RGS22: variants seen among roughly 807,000 people sequenced by gnomAD.
RGS22 encodes the protein regulator of G protein signaling 22.
A neutral mutation model predicts 172.9 loss-of-function variants in RGS22; 148 were observed. That is an observed-to-expected ratio of 0.86 (90% CI 0.75 to 0.98). The LOEUF is 0.98. Among genes scored for constraint, RGS22 ranks in the 50% least tolerant of loss-of-function variants. RGS22 has a pLI of 0.00. For synonymous variants in RGS22, 458 were observed against 480.2 expected, an observed-to-expected ratio of 0.95 and a Z score of 0.60; for missense variants, 1,347 against 1,440.8, an observed-to-expected ratio of 0.93 and a Z score of 1.05.
Position 100,105,978 on chromosome 8 carries a change from G to C in RGS22, c.-57C>G. Reference sequence around the variant, plus strand: ...GCGGGCCGTCAGGGCCCTAGCGCGCGGGTCCAGCGCGGGTCAGGGCCTGAG... The same window carrying C: ...GCGGGCCGTCAGGGCCCTAGCGCGCCGGTCCAGCGCGGGTCAGGGCCTGAG... On this transcript the variant is annotated 5_prime_UTR_variant, in exon 1 of 28. Transcript: ENST00000360863. The C allele has an allele frequency of 7.4e-7, 1 of 1,357,718 alleles. No homozygotes were observed. The highest frequency in any genetic ancestry group is 9.4e-7 in the Non-Finnish European group (1 of 1,060,780). The allele number at this position is 1,357,718 out of a possible 1,614,324, so 84.1% of individuals were successfully genotyped here. A position where few individuals can be genotyped will look rare whatever the true frequency, so the allele number is the denominator to read the frequency against.
At chr8:100,024,831 G>T (rs1473257260) in intron 14 of RGS22, among the ~76,000 whole-genome samples, 2 of 151,932 alleles carry the variant, frequency 1.3e-5, no homozygotes, top group Non-Finnish European at 2.9e-5. Flanking sequence ...GTAAAATAAG[G>T]ATACCAATCT....
intron 3 of RGS22, chr8:100,093,203 CAG>C: frequency 2.8e-6 from 1 of 353,512 alleles, no homozygotes; most frequent in African/African-American, 2.2e-5. Context: ...ACAGCTGAAC[CAG>C]AGTTTGTACA....
chr8:100,087,048 T>C (rs1398737742), intron 3 of RGS22, among the ~76,000 whole-genome samples: 1 of 152,150 alleles, frequency 6.6e-6, no homozygotes, highest in Non-Finnish European at 1.5e-5. Context: ...CAAATTCCTG[T>C]TGTTTGCTTA....
chr8:99,969,151 T>C (rs940592569), intron 23 of RGS22, among the ~76,000 whole-genome samples: 13 of 152,134 alleles, frequency 8.5e-5, no homozygotes, highest in Admixed American at 3.9e-4. Context: ...CTAAGCTTCA[T>C]AAGTGAAGGA....
At chr8:100,093,317 C>A (rs1812727051) in intron 3 of RGS22, 130 bp downstream of exon 3, 6 of 561,646 alleles carry the variant, frequency 1.1e-5, no homozygotes, top group East Asian at 3.1e-5. Context: ...AAGATAAAAC[C>A]TTTACCTAAA....
At chr8:100,018,375 G>A (rs1817236802) in intron 14 of RGS22, among the ~76,000 whole-genome samples, 1 of 152,010 alleles carries the variant, frequency 6.6e-6, no homozygotes, top group Admixed American at 6.6e-5. Context: ...ACAGAAGGAA[G>A]AGCTGAATTG....
chr8:100,000,668 T>C (rs1814942496), intron 18 of RGS22, among the ~76,000 whole-genome samples: 1 of 152,216 alleles, frequency 6.6e-6, no homozygotes, highest in Non-Finnish European at 1.5e-5. Flanking sequence ...TGAGATACCA[T>C]GAAACCTCAC....
intron 11 of RGS22, among the ~76,000 whole-genome samples, chr8:100,042,435 A>T (rs1480878350): frequency 3.3e-5 from 5 of 152,340 alleles, no homozygotes; most frequent in African/African-American, 1.2e-4. Context: ...TATATACTAC[A>T]TACCAAACAC....
At position 100,071,508 on chromosome 8, in the gene RGS22, C is replaced by T. The variant is rs2131844896; in HGVS notation, c.455G>A (p.Trp152Ter). 6.2e-7 allele frequency: 1 copy of T among 1,610,812 alleles called. No homozygotes were observed. Among genetic ancestry groups the T allele is most frequent in the Non-Finnish European group, 8.5e-7 (1 of 1,178,570 alleles). ...TGTGAAATTCATGCCGGACTTGCTCCATCTTACTTGTGAGACCAATTTGGC... is the reference window on the plus strand; with the variant it reads ...TGTGAAATTCATGCCGGACTTGCTCTATCTTACTTGTGAGACCAATTTGGC... The part of the protein sequence containing the change: ...RLAKLVSQVR[W>*]SKSGMNFTVG... The change falls in exon 6 of 28, where the codon TGG becomes TAG. Residue 152 changes from tryptophan (W) to a stop codon, truncating the protein, a stop_gained. Transcript: ENST00000360863. LOFTEE classifies it high-confidence loss of function.
At chr8:100,061,914 T>G (rs1024581519) in intron 9 of RGS22, among the ~76,000 whole-genome samples, 9 of 152,200 alleles carry the variant, frequency 5.9e-5, no homozygotes, top group African/African-American at 2.2e-4. Context: ...CCATCAGTGA[T>G]AGACTGGATA....
chr8:100,097,831 C>T (rs1813101072), intron 2 of RGS22, among the ~76,000 whole-genome samples: 1 of 152,220 alleles, frequency 6.6e-6, no homozygotes, highest in Admixed American at 6.5e-5. Flanking sequence ...TTCTTATCCA[C>T]ACCACCCTAT....
chr8:99,996,397 A>G, intron 20 of RGS22, 65 bp downstream of exon 20: 2 of 1,371,646 alleles, frequency 1.5e-6, no homozygotes, highest in Non-Finnish European at 2.1e-6. Context: ...CAAGAAAGGG[A>G]AAGAAAAACA....
intron 23 of RGS22, among the ~76,000 whole-genome samples, chr8:99,974,489 T>A (rs938860395): frequency 6.6e-6 from 1 of 152,126 alleles, no homozygotes; most frequent in African/African-American, 2.4e-5. Flanking sequence ...AAAAAAAAGA[T>A]TAAAACTGCA....
chr8:99,970,973 C>T (rs1408245729), intron 23 of RGS22, among the ~76,000 whole-genome samples: 2 of 152,102 alleles, frequency 1.3e-5, no homozygotes, highest in Non-Finnish European at 2.9e-5. Context: ...ATGCAAAAAT[C>T]CTCAATAAAA....
intron 20 of RGS22, 58 bp from the exon 21 acceptor site, chr8:99,987,677 C>T: frequency 7.6e-7 from 1 of 1,315,930 alleles, no homozygotes; most frequent in Non-Finnish European, 1.0e-6. Flanking sequence ...CAATTACCAA[C>T]TTCTATCTCC....
intron 14 of RGS22, among the ~76,000 whole-genome samples, chr8:100,031,548 C>T (rs1295745409): frequency 3.3e-5 from 5 of 151,902 alleles, no homozygotes; most frequent in African/African-American, 4.8e-5. Flanking sequence ...TTCCTCCTTC[C>T]CATTTCTTAC....
chr8:100,017,755 A>G (rs1418512266), intron 14 of RGS22, among the ~76,000 whole-genome samples: 3 of 152,250 alleles, frequency 2.0e-5, no homozygotes, highest in African/African-American at 7.2e-5. Context: ...ATTATACTAT[A>G]TGATATATAA....
chr8:99,962,248 G>C, intron 27 of RGS22, 146 bp downstream of exon 27: 1 of 585,758 alleles, frequency 1.7e-6, no homozygotes, highest in East Asian at 3.0e-5. Flanking sequence ...CCATTCAAAA[G>C]GGAGGCAAGG....
intron 3 of RGS22, chr8:100,093,229 T>C (rs943486073): frequency 2.0e-5 from 9 of 443,314 alleles, no homozygotes; most frequent in Non-Finnish European, 3.3e-5. Flanking sequence ...TGCTTTTTAA[T>C]GGTTAGAAAA....
Sources: allele counts gnomAD v4.1 joint callset (sites outside exome capture counted in the v4.1 genomes callset), GRCh38; gene constraint gnomAD v4.1.1; transcripts MANE v1.5; gene names NCBI Gene and HGNC (gene_info 2026-07-23, HGNC 2026-07-21).